TAF3: variants seen among roughly 807,000 people sequenced by gnomAD.
TAF3 encodes the protein transcription initiation factor TFIID subunit 3.
A neutral mutation model predicts 80.6 loss-of-function variants in TAF3; 7 were observed. The ratio of observed to expected loss-of-function variants is 0.09; its 90% confidence interval spans 0.05 to 0.16. TAF3 has a LOEUF of 0.16. Ranked by LOEUF, TAF3 falls within the 10% of genes least tolerant of loss-of-function variation. The probability of loss-of-function intolerance (pLI) is 1.00; values close to 1 mark genes in which losing one functional copy is unlikely to be tolerated. For synonymous variants in TAF3, 444 were observed against 446.1 expected, an observed-to-expected ratio of 1.00 and a Z score of 0.06; for missense variants, 921 against 1,140.2, an observed-to-expected ratio of 0.81 and a Z score of 2.77.
intron 2 of TAF3, among the ~76,000 whole-genome samples, chr10:7,865,457 G>A (rs184718830): frequency 6.6e-5 from 10 of 151,514 alleles, no homozygotes; most frequent in Admixed American, 1.3e-4. Flanking sequence ...CCAGCCTGGG[G>A]GACAGAGTGA....
chr10:7,964,384 C>T lies in TAF3; in HGVS notation c.874C>T (p.Pro292Ser), dbSNP rs746632216. The T allele has an allele frequency of 2.5e-6, 4 of 1,614,146 alleles. No individual in the cohort carries two copies. Among genetic ancestry groups the T allele is most frequent in the East Asian group, 2.2e-5 (1 of 44,880 alleles). ...TAAATCACCTAAAACCGCCCAGTCACCAGCAATGGTCGGAAGTCCTATTCG... is the reference window on the plus strand; with the variant it reads ...TAAATCACCTAAAACCGCCCAGTCATCAGCAATGGTCGGAAGTCCTATTCG... Reference protein sequence around the residue: ...KTKSPKTAQSPAMVGSPIRSP... With the variant: ...KTKSPKTAQSSAMVGSPIRSP... The change falls in exon 3 of 7, where the codon CCA becomes TCA. Residue 292 changes from proline (P) to serine (S), a missense_variant. Transcript: ENST00000344293. The surrounding 1 kb of genome is among the most constrained non-coding windows in gnomAD (Gnocchi z 4.1).
chr10:7,948,375 C>G (rs1387085464), intron 2 of TAF3, among the ~76,000 whole-genome samples: 2 of 152,016 alleles, frequency 1.3e-5, no homozygotes, highest in African/African-American at 4.8e-5. Context: ...AGGCATGAAC[C>G]AGTGCGCCCA....
At chr10:7,908,416 T>A (rs1015118874) in intron 2 of TAF3, among the ~76,000 whole-genome samples, 2 of 152,228 alleles carry the variant, frequency 1.3e-5, no homozygotes, top group African/African-American at 4.8e-5. Flanking sequence ...ACTTTAAGCA[T>A]TGGCAACTTT....
At chr10:7,932,793 T>C (rs192346) in intron 2 of TAF3, among the ~76,000 whole-genome samples, 25,041 of 144,300 alleles carry the variant, frequency 0.17, 2,313 homozygotes, top group South Asian at 0.21. Flanking sequence ...TCCTCCCACC[T>C]CAGCCCCTAG....
chr10:7,967,078 G>A (rs1294992816), intron 3 of TAF3, among the ~76,000 whole-genome samples: 1 of 152,068 alleles, frequency 6.6e-6, no homozygotes, highest in African/African-American at 2.4e-5. Context: ...TATTATCATC[G>A]ATATTTATGG....
At chr10:7,866,828 A>C (rs1329235634) in intron 2 of TAF3, among the ~76,000 whole-genome samples, 1 of 152,236 alleles carries the variant, frequency 6.6e-6, no homozygotes, top group Non-Finnish European at 1.5e-5. Flanking sequence ...GTTGAAAACA[A>C]AGAGAAGTGG....
At chr10:7,873,741 A>G (rs1837289993) in intron 2 of TAF3, among the ~76,000 whole-genome samples, 1 of 152,188 alleles carries the variant, frequency 6.6e-6, no homozygotes. Flanking sequence ...TAACAGAAGG[A>G]CATGACAGAG....
At chr10:7,985,909 G>A (rs748922523) in intron 4 of TAF3, among the ~76,000 whole-genome samples, 2 of 150,714 alleles carry the variant, frequency 1.3e-5, no homozygotes, top group East Asian at 2.0e-4. Context: ...TTGGCCTCCC[G>A]AGTAGCTGGG....
chr10:7,943,064 A>G (rs2131397845), intron 2 of TAF3, among the ~76,000 whole-genome samples: 1 of 152,236 alleles, frequency 6.6e-6, no homozygotes, highest in South Asian at 2.1e-4. Context: ...TTTACTCCCG[A>G]AAGTCTGTCC....
At chr10:7,880,688 C>T (rs1464193823) in intron 2 of TAF3, among the ~76,000 whole-genome samples, 1 of 152,066 alleles carries the variant, frequency 6.6e-6, no homozygotes, top group Non-Finnish European at 1.5e-5. Flanking sequence ...GCCTTTAAGT[C>T]CCTCATCTAG....
At chr10:7,852,735 C>G (rs2131127043) in intron 2 of TAF3, among the ~76,000 whole-genome samples, 1 of 152,256 alleles carries the variant, frequency 6.6e-6, no homozygotes, top group Middle Eastern at 3.4e-3. Flanking sequence ...ATAGAAGTTG[C>G]AAATTGGTAA....
intron 4 of TAF3, among the ~76,000 whole-genome samples, chr10:7,983,895 A>G (rs1588576474): frequency 6.6e-6 from 1 of 151,690 alleles, no homozygotes; most frequent in African/African-American, 2.4e-5. Flanking sequence ...AATAACAACA[A>G]TGACAAAAAG....
chr10:7,831,825 G>A (rs1160129015), intron 2 of TAF3, among the ~76,000 whole-genome samples: 1 of 151,972 alleles, frequency 6.6e-6, no homozygotes, highest in Non-Finnish European at 1.5e-5. Context: ...TCTATGCTTG[G>A]TATAAATTAT....
Position 7,879,454 on chromosome 10 carries a change from C to T in TAF3, c.409+54894C>T, listed in dbSNP as rs570996431. Among the ~76,000 whole-genome samples the T allele has an allele frequency of 3.3e-5, 5 of 152,304 alleles. No homozygotes were observed. In the East Asian group the frequency reaches 5.8e-4, roughly 18 times the overall value. ...ACATGAAATGAAATAATGACACCCA[C>T]CCTCATCTTTGTACAAGATTAAAAG... On this transcript the variant is annotated intron_variant, in intron 2 of 6. Coordinates refer to ENST00000344293, the MANE Select transcript of TAF3 (RefSeq NM_031923.4).
intron 4 of TAF3, among the ~76,000 whole-genome samples, chr10:7,998,801 T>G (rs917127400): frequency 6.8e-6 from 1 of 148,078 alleles, no homozygotes; most frequent in African/African-American, 2.5e-5. Flanking sequence ...ATCGCGCCAC[T>G]GCACTCCAGC....
chr10:7,862,669 A>G (rs1194949199), intron 2 of TAF3, among the ~76,000 whole-genome samples: 3 of 152,096 alleles, frequency 2.0e-5, no homozygotes, highest in African/African-American at 7.2e-5. Context: ...TGCAATCCAT[A>G]TCTCCTCTTC....
At chr10:7,976,249 CTTT>C (rs1042340982) in intron 3 of TAF3, among the ~76,000 whole-genome samples, 2 of 139,794 alleles carry the variant, frequency 1.4e-5, no homozygotes. Context: ...TTTCTTTTTT[CTTT>C]TTTTTTTTTT....
intron 3 of TAF3, among the ~76,000 whole-genome samples, chr10:7,973,998 T>C (rs1713638591): frequency 6.6e-6 from 1 of 151,904 alleles, no homozygotes; most frequent in African/African-American, 2.4e-5. Context: ...CATGGTGGCA[T>C]GCACCTGTAA....
At chr10:7,819,276 C>G (rs1836665773) in intron 1 of TAF3, among the ~76,000 whole-genome samples, 2 of 152,086 alleles carry the variant, frequency 1.3e-5, no homozygotes, top group African/African-American at 2.4e-5. Flanking sequence ...AACTAGTTGT[C>G]ACAGGCGCTC....
Sources: allele counts gnomAD v4.1 joint callset (sites outside exome capture counted in the v4.1 genomes callset), GRCh38; gene constraint gnomAD v4.1.1; non-coding constraint Gnocchi (gnomAD v3.1); transcripts MANE v1.5; gene names NCBI Gene and HGNC (gene_info 2026-07-23, HGNC 2026-07-21).